The following VAC14 variants were observed in gnomAD, a reference collection of about 807,000 sequenced individuals.
VAC14 encodes VAC14 component of PIKFYVE complex.
VAC14 carries 47 observed loss-of-function variants against 85.3 expected under a neutral mutation model. That is an observed-to-expected ratio of 0.55 (90% CI 0.44 to 0.70). The LOEUF (loss-of-function observed/expected upper bound fraction) is 0.70. Ranked by LOEUF, VAC14 falls within the 30% of genes least tolerant of loss-of-function variation. The probability of loss-of-function intolerance (pLI) is 0.00; values close to 1 mark genes in which losing one functional copy is unlikely to be tolerated. For synonymous variants in VAC14, 447 were observed against 430.5 expected (o/e 1.04, Z -0.47); for missense variants, 861 against 1,004.3 (o/e 0.86, Z 1.93).
chr16:70,735,967 G>A (rs1220199521), intron 13 of VAC14, among the ~76,000 whole-genome samples: 2 of 152,248 alleles, frequency 1.3e-5, no homozygotes, highest in Non-Finnish European at 2.9e-5. Context: ...AGAGACAGCT[G>A]TTGAGACAGC....
intron 12 of VAC14, among the ~76,000 whole-genome samples, chr16:70,761,623 C>T (rs989647373): frequency 2.0e-5 from 3 of 152,184 alleles, no homozygotes; most frequent in Non-Finnish European, 2.9e-5. Context: ...GACTCCTGCC[C>T]AGATGACAGG....
chr16:70,692,081 A>G (rs2142984375), intron 18 of VAC14: 1 of 980,302 alleles, frequency 1.0e-6, no homozygotes, highest in Non-Finnish European at 1.2e-6. Context: ...CTCGGATGCC[A>G]AATGCCTGTG....
chr16:70,713,951 G>A (rs181479804), intron 14 of VAC14: 1 of 152,254 alleles, frequency 6.6e-6, no homozygotes, highest in African/African-American at 2.4e-5. Flanking sequence ...AGAAAGGCTT[G>A]AACTCTTCTT....
At chr16:70,767,843 G>A (rs562195733) in intron 10 of VAC14, among the ~76,000 whole-genome samples, 10 of 152,168 alleles carry the variant, frequency 6.6e-5, no homozygotes, top group Admixed American at 3.3e-4. Context: ...TGCGGCCCAG[G>A]CACCATGCTA....
At chr16:70,751,908 G>A (rs188958272) in intron 12 of VAC14, among the ~76,000 whole-genome samples, 33 of 152,334 alleles carry the variant, frequency 2.2e-4, no homozygotes, top group African/African-American at 5.3e-4. Context: ...TGGTCTGCAC[G>A]GGGTCACAGC....
At chr16:70,740,220 C>A (rs993021965) in intron 13 of VAC14, among the ~76,000 whole-genome samples, 2 of 152,206 alleles carry the variant, frequency 1.3e-5, no homozygotes, top group Admixed American at 6.5e-5. Context: ...CTCAGCCTCC[C>A]AAAGTGCTGG....
intron 18 of VAC14, chr16:70,690,004 G>C (rs1407966333): frequency 3.3e-5 from 33 of 985,366 alleles, no homozygotes; most frequent in Non-Finnish European, 3.9e-5. Flanking sequence ...GCACCCACAG[G>C]TCTGTGCGTT....
In VAC14 at chr16:70,746,715, G is replaced by C. The variant is rs76936776; in HGVS notation, c.1372-2136C>G. Among the ~76,000 whole-genome samples, 596 of 152,312 alleles carry C rather than the reference G, an allele frequency of 3.9e-3. 2 individuals are homozygous for C. Among genetic ancestry groups the C allele is most frequent in the African/African-American group, 0.014 (574 of 41,568 alleles). ...AAGACACAGGGCGGAGGGCAGGATG[G>C]GGAAGTGGCACAGCAATGAATGACG... On this transcript the variant is annotated intron_variant, in intron 12 of 18. Coordinates refer to ENST00000261776, the MANE Select transcript of VAC14 (RefSeq NM_018052.5).
intron 1 of VAC14, among the ~76,000 whole-genome samples, chr16:70,787,407 G>C (rs993685792): frequency 6.6e-6 from 1 of 152,210 alleles, no homozygotes; most frequent in African/African-American, 2.4e-5. Flanking sequence ...TGCTGACAGG[G>C]AGAGGAGCAG....
intron 9 of VAC14, chr16:70,773,036 G>A (rs1191971531): frequency 9.2e-5 from 14 of 152,216 alleles, no homozygotes; most frequent in Non-Finnish European, 1.5e-5. Flanking sequence ...CTATGGAGAC[G>A]GAAAATGGAC....
In VAC14 at chr16:70,786,333, G is replaced by A. The variant is rs752526213; in HGVS notation, c.137C>T (p.Thr46Ile). Residue 46 changes from threonine to isoleucine, a missense_variant, in exon 2 of 19, where the codon ACC (threonine) becomes ATC (isoleucine). This residue lies in a region of VAC14 where 629 missense variants were observed against 703.1 expected (regional missense o/e 0.89). Transcript: ENST00000261776. ...CTGGATCACATGCTTGATTTGCACG[G>A]TATTGTTCTGGGCCACGAACTCCCG... Reference protein sequence around the residue: ...LVREFVAQNNTVQIKHVIQTL... With the variant: ...LVREFVAQNNIVQIKHVIQTL... 3.1e-6 allele frequency: 5 copies of A among 1,614,204 alleles called. No individual in the cohort carries two copies. Among genetic ancestry groups the A allele is most frequent in the East Asian group, 4.5e-5 (2 of 44,878 alleles).
At chr16:70,791,805 C>T (rs552928346) in intron 1 of VAC14, among the ~76,000 whole-genome samples, 14 of 152,178 alleles carry the variant, frequency 9.2e-5, no homozygotes, top group Non-Finnish European at 5.9e-5. Flanking sequence ...CTTGTCAAGA[C>T]GGGCAGGGGT....
At chr16:70,698,383 T>C (rs1331718759) in intron 15 of VAC14, among the ~76,000 whole-genome samples, 1 of 152,056 alleles carries the variant, frequency 6.6e-6, no homozygotes, top group Non-Finnish European at 1.5e-5. Context: ...GCAGGGCTGC[T>C]GGGGGGTCAG....
chr16:70,699,167 C>CCT (rs397804732), intron 14 of VAC14: 2 of 239,454 alleles, frequency 8.4e-6, no homozygotes, highest in East Asian at 8.8e-5. Flanking sequence ...CAATGGCCCC[C>CCT]ACCCCAGGCC....
intron 10 of VAC14, chr16:70,768,864 G>C (rs1305074742): frequency 2.2e-6 from 1 of 451,328 alleles, no homozygotes; most frequent in Admixed American, 2.4e-5. Context: ...GCAGTGGCGC[G>C]ATCTCGGCTC....
intron 14 of VAC14, among the ~76,000 whole-genome samples, chr16:70,726,453 G>A (rs1567542235): frequency 6.6e-6 from 1 of 152,240 alleles, no homozygotes; most frequent in South Asian, 2.1e-4. Context: ...TGGGGAGGCT[G>A]AACAACAGCC....
intron 1 of VAC14, among the ~76,000 whole-genome samples, chr16:70,791,800 C>G (rs1377542465): frequency 6.6e-6 from 1 of 152,198 alleles, no homozygotes; most frequent in African/African-American, 2.4e-5. Flanking sequence ...AAACACTTGT[C>G]AAGACGGGCA....
chr16:70,793,157 T>C (rs2034409217), intron 1 of VAC14, among the ~76,000 whole-genome samples: 1 of 152,192 alleles, frequency 6.6e-6, no homozygotes, highest in Admixed American at 6.5e-5. Flanking sequence ...TTTCACACAG[T>C]GCTCGGTCAT....
At chr16:70,706,013 G>A (rs904886711) in intron 14 of VAC14, among the ~76,000 whole-genome samples, 5 of 152,122 alleles carry the variant, frequency 3.3e-5, no homozygotes, top group African/African-American at 7.2e-5. Flanking sequence ...GAACCCTATC[G>A]GGTTCTTCAT....
Sources: gnomAD v4.1 joint callset for allele counts (sites outside exome capture counted in the v4.1 genomes callset) on GRCh38, gnomAD v4.1.1 for gene constraint, gnomAD v4.1.1 regional missense constraint, MANE v1.5 for transcripts, NCBI Gene and HGNC (gene_info 2026-07-23, HGNC 2026-07-21) for gene names.